Variants in RBFOX1 observed in about 807,000 individuals in gnomAD.
RBFOX1 encodes the protein RNA binding fox-1 homolog 1, also known as RNA binding protein fox-1 homolog 1.
In RBFOX1, 8 loss-of-function variants were observed where a neutral mutation model predicts 57.7. The ratio of observed to expected loss-of-function variants is 0.14; its 90% confidence interval spans 0.08 to 0.25. The LOEUF (loss-of-function observed/expected upper bound fraction) is 0.25. RBFOX1 is among the 10% of genes least tolerant of loss of function. RBFOX1 has a pLI of 1.00. For synonymous variants in RBFOX1, 326 were observed against 222.4 expected (o/e 1.47, Z -4.15); for missense variants, 611 against 548.5 (o/e 1.11, Z -1.14).
rs566273963 is a variant in RBFOX1, at chr16:6,835,331, G to C, written c.-16+180681G>C. Among the ~76,000 whole-genome samples, 8 of 152,232 alleles carry C rather than the reference G, an allele frequency of 5.3e-5. No homozygotes were observed. The East Asian group carries it at 1.5e-3, about 29-fold the overall frequency. ...AGTGTCCTAAGCTAGCCCTCATATA[G>C]GCATAGACTCCTTGATATTTTACTC... On this transcript the variant is annotated intron_variant, in intron 3 of 15. Coordinates refer to ENST00000550418, the MANE Select transcript of RBFOX1 (RefSeq NM_018723.4).
At chr16:5,640,994 T>A (rs1000776112) in intron 3 of RBFOX1, among the ~76,000 whole-genome samples, 1 of 145,796 alleles carries the variant, frequency 6.9e-6, no homozygotes, top group Admixed American at 6.8e-5. Flanking sequence ...ATATCATGCA[T>A]ACATATGCAC....
chr16:7,463,275 G>A (rs776535770), intron 4 of RBFOX1, among the ~76,000 whole-genome samples: 2 of 152,194 alleles, frequency 1.3e-5, no homozygotes. Context: ...AGGCCATGGT[G>A]TGTGGATCAC....
intron 2 of RBFOX1, among the ~76,000 whole-genome samples, chr16:6,508,481 A>G (rs1389799078): frequency 6.6e-6 from 1 of 152,176 alleles, no homozygotes; most frequent in Non-Finnish European, 1.5e-5. Context: ...ACCAAAAAGA[A>G]AACATAATTC....
At position 7,280,859 on chromosome 16, in the gene RBFOX1, C is replaced by G. The variant is rs571660048; in HGVS notation, c.27+228761C>G. Among the ~76,000 whole-genome samples, 16 of 152,010 alleles carry G rather than the reference C, an allele frequency of 1.1e-4. No homozygotes were observed. In the South Asian group the frequency reaches 2.9e-3, roughly 28 times the overall value. ...GCAAAATCACCCACTGCTTGAGAAC[C>G]GCTATCCTATGGCCATATTTGTACT... is the stretch of plus-strand genomic sequence containing the variant. On this transcript the variant is annotated intron_variant, in intron 4 of 15. Coordinates refer to ENST00000550418, the MANE Select transcript of RBFOX1 (RefSeq NM_018723.4).
At chr16:7,533,469 C>G (rs1401064481) in intron 5 of RBFOX1, among the ~76,000 whole-genome samples, 14 of 152,140 alleles carry the variant, frequency 9.2e-5, no homozygotes, top group Non-Finnish European at 2.1e-4. Context: ...TGCTTCTTGA[C>G]TTATGATGGG....
At chr16:7,018,071 A>T (rs747867535) in intron 3 of RBFOX1, among the ~76,000 whole-genome samples, 7 of 152,010 alleles carry the variant, frequency 4.6e-5, no homozygotes, top group Non-Finnish European at 8.8e-5. Flanking sequence ...CCTCCAGCCA[A>T]CCTGCATGTA....
intron 4 of RBFOX1, among the ~76,000 whole-genome samples, chr16:7,477,708 C>A (rs565761919): frequency 2.0e-5 from 3 of 152,252 alleles, no homozygotes; most frequent in African/African-American, 7.2e-5. Context: ...TGGGGACTAG[C>A]CTCAGACTTC....
intron 1 of RBFOX1, among the ~76,000 whole-genome samples, chr16:6,201,325 A>C (rs1489419086): frequency 6.6e-6 from 1 of 152,136 alleles, no homozygotes; most frequent in Non-Finnish European, 1.5e-5. Flanking sequence ...GAGCCAGCAG[A>C]AGGATTGCTG....
At chr16:5,657,616 C>A (rs987795963) in intron 3 of RBFOX1, among the ~76,000 whole-genome samples, 20 of 41,648 alleles carry the variant, frequency 4.8e-4, no homozygotes, top group African/African-American at 1.9e-3. Context: ...CGCTTTCTTT[C>A]TTTCTCTCTT....
chr16:7,430,638 T>G lies in RBFOX1; in HGVS notation c.28-87509T>G, dbSNP rs185408049. On this transcript the variant is annotated intron_variant, in intron 4 of 15. Transcript: ENST00000550418. ...TTATGCCACTGCACACCAGCCTGGG[T>G]GACAGAGTGAGACTCCATCTCAAAA... is the stretch of plus-strand genomic sequence containing the variant. Among the ~76,000 whole-genome samples, 567 of 140,938 alleles carry G rather than the reference T, an allele frequency of 4.0e-3. 3 individuals carry two copies. The highest frequency in any genetic ancestry group is 0.015 in the African/African-American group (550 of 36,344). 92.5% of individuals were successfully genotyped at this position (140,938 alleles called of 152,430 possible).
intron 4 of RBFOX1, among the ~76,000 whole-genome samples, chr16:5,983,189 G>C (rs1339928974): frequency 6.6e-6 from 1 of 152,208 alleles, no homozygotes; most frequent in East Asian, 1.9e-4. Flanking sequence ...TGTCAGAGCT[G>C]AGAGGCCACG....
At chr16:7,264,789 G>A (rs949559567) in intron 4 of RBFOX1, among the ~76,000 whole-genome samples, 2 of 152,278 alleles carry the variant, frequency 1.3e-5, no homozygotes, top group Non-Finnish European at 2.9e-5. Context: ...CCCTTAGGCT[G>A]TCATTTGCCA....
chr16:7,067,596 A>T (rs571456046), intron 4 of RBFOX1, among the ~76,000 whole-genome samples: 2 of 151,908 alleles, frequency 1.3e-5, no homozygotes, highest in African/African-American at 4.8e-5. Flanking sequence ...TAGGTTAGTT[A>T]CGTATGTATA....
chr16:5,805,450 T>C (rs958067942), intron 3 of RBFOX1, among the ~76,000 whole-genome samples: 1 of 152,236 alleles, frequency 6.6e-6, no homozygotes, highest in Admixed American at 6.5e-5. Flanking sequence ...TGTTAATGCC[T>C]ATTCTTTAGA....
At chr16:6,175,850 G>A (rs934748487) in intron 1 of RBFOX1, among the ~76,000 whole-genome samples, 1 of 152,100 alleles carries the variant, frequency 6.6e-6, no homozygotes, top group Admixed American at 6.5e-5. Context: ...GTTAGCAATT[G>A]TGCAGTAAGG....
At chr16:6,963,449 G>C (rs1045229195) in intron 3 of RBFOX1, among the ~76,000 whole-genome samples, 1 of 152,138 alleles carries the variant, frequency 6.6e-6, no homozygotes, top group Non-Finnish European at 1.5e-5. Flanking sequence ...GACAACATAA[G>C]TTATCTCATG....
At position 5,851,775 on chromosome 16, in the gene RBFOX1, A is replaced by C. The variant is rs185163995; in HGVS notation, c.319-15528A>C. ...TTGTTCATGTCCGTTCAAAGGTGAC[A>C]GGAAAACCGCAAGTTTAGCGTTCTG... On this transcript the variant is annotated intron_variant, in intron 3 of 19. Coordinates refer to the RBFOX1 transcript ENST00000641259. 3.9e-3 allele frequency among the ~76,000 whole-genome samples: 592 copies of C among 152,366 alleles called. 8 individuals carry two copies. The highest frequency in any genetic ancestry group is 0.034 in the Middle Eastern group (10 of 294).
At chr16:7,019,813 C>G (rs1287262674) in intron 3 of RBFOX1, among the ~76,000 whole-genome samples, 1 of 152,174 alleles carries the variant, frequency 6.6e-6, no homozygotes, top group African/African-American at 2.4e-5. Context: ...CCCATTAATC[C>G]TGAACATATG....
intron 1 of RBFOX1, among the ~76,000 whole-genome samples, chr16:6,277,919 C>A (rs957142096): frequency 1.3e-5 from 2 of 152,106 alleles, no homozygotes; most frequent in African/African-American, 2.4e-5. Flanking sequence ...CTCGTGTAAG[C>A]TGTCTTTCAC....
Sources: allele counts gnomAD v4.1 joint callset (sites outside exome capture counted in the v4.1 genomes callset), GRCh38; gene constraint gnomAD v4.1.1; transcripts MANE v1.5; gene names NCBI Gene and HGNC (gene_info 2026-07-23, HGNC 2026-07-21).